The following ANKRD7 variants were observed in gnomAD, a reference collection of about 807,000 sequenced individuals.
ANKRD7 encodes the protein ankyrin repeat domain 7, also known as ankyrin repeat domain-containing protein 7.
ANKRD7 carries 30 observed loss-of-function variants against 30.8 expected under a neutral mutation model. That is an observed-to-expected ratio of 0.97 (90% CI 0.73 to 1.32). ANKRD7 has a LOEUF of 1.32. Ranked by LOEUF, ANKRD7 falls within the 40% of genes most tolerant of loss-of-function variation. ANKRD7 has a pLI of 0.00. For synonymous variants in ANKRD7, 97 were observed against 106.6 expected (o/e 0.91, Z 0.55); for missense variants, 264 against 295.7 (o/e 0.89, Z 0.79).
At chr7:118,234,660 G>T in intron 2 of ANKRD7, 41 bp from the exon 3 acceptor site, 1 of 1,571,092 alleles carries the variant, frequency 6.4e-7, no homozygotes, top group Non-Finnish European at 8.6e-7. Flanking sequence ...CATATCCCAA[G>T]TAGTAAATTG....
intron 6 of ANKRD7, among the ~76,000 whole-genome samples, chr7:118,241,862 C>T (rs896937294): frequency 6.6e-6 from 1 of 152,052 alleles, no homozygotes; most frequent in Non-Finnish European, 1.5e-5. Flanking sequence ...TTAATGTATA[C>T]TCTTATTTCC....
At chr7:118,229,864 G>A (rs1425012595) in intron 1 of ANKRD7, among the ~76,000 whole-genome samples, 1 of 152,006 alleles carries the variant, frequency 6.6e-6, no homozygotes, top group African/African-American at 2.4e-5. Flanking sequence ...AGGTGTACAA[G>A]GATGGTTCAA....
chr7:118,234,420 T>C lies in ANKRD7; in HGVS notation c.180-11T>C. The C allele has an allele frequency of 6.5e-7, 1 of 1,548,462 alleles. No homozygotes were observed. Among genetic ancestry groups the C allele is most frequent in the Non-Finnish European group, 8.7e-7 (1 of 1,145,202 alleles). ...TTATCTCTAACTTTGTGTTTTGTTT[T>C]ATTGACATAGAACACCTTTGCACCT... On this transcript the variant is annotated splice_polypyrimidine_tract_variant and intron_variant, in intron 1 of 6. Coordinates refer to ENST00000265224, the MANE Select transcript of ANKRD7 (RefSeq NM_019644.4).
chr7:118,237,523 A>G (rs1434365496), intron 5 of ANKRD7, among the ~76,000 whole-genome samples: 2 of 152,148 alleles, frequency 1.3e-5, no homozygotes, highest in Admixed American at 1.3e-4. Flanking sequence ...AGCTTAATGA[A>G]GTTAAATAAC....
intron 5 of ANKRD7, among the ~76,000 whole-genome samples, chr7:118,238,149 C>T (rs1294349350): frequency 1.3e-5 from 2 of 152,258 alleles, no homozygotes; most frequent in Non-Finnish European, 2.9e-5. Flanking sequence ...TACAATCTTC[C>T]TTTATCTCCC....
At chr7:118,240,033 G>C in intron 6 of ANKRD7, 35 bp downstream of exon 6, 1 of 1,255,700 alleles carries the variant, frequency 8.0e-7, no homozygotes, top group East Asian at 2.8e-5. Context: ...TTTTTTTCTT[G>C]TTGCTTTTTA....
At chr7:118,236,646 G>A in intron 4 of ANKRD7, 144 bp from the exon 5 acceptor site, 1 of 834,312 alleles carries the variant, frequency 1.2e-6, no homozygotes, top group Non-Finnish European at 1.9e-6. Flanking sequence ...TTTTTGAGCA[G>A]ATCTGCTGTA....
intron 5 of ANKRD7, among the ~76,000 whole-genome samples, 171 bp downstream of exon 5, chr7:118,237,097 C>A (rs1432602210): frequency 6.6e-6 from 1 of 152,086 alleles, no homozygotes; most frequent in East Asian, 1.9e-4. Flanking sequence ...AATATAAGGG[C>A]TACAGATGGG....
chr7:118,236,937 C>G lies in ANKRD7; in HGVS notation c.712+11C>G. The G allele has an allele frequency of 6.2e-7, 1 of 1,612,600 alleles. No individual in the cohort carries two copies. The highest frequency in any genetic ancestry group is 2.2e-5 in the East Asian group (1 of 44,850). ...CCATGGTTTTACTGCGTAAGTGATACTGCATGTCTTTTAACAACTGTATGG... is the reference window on the plus strand; with the variant it reads ...CCATGGTTTTACTGCGTAAGTGATAGTGCATGTCTTTTAACAACTGTATGG... On this transcript the variant is annotated intron_variant, in intron 5 of 6. Coordinates refer to ENST00000265224, the MANE Select transcript of ANKRD7 (RefSeq NM_019644.4).
Position 118,234,894 on chromosome 7 carries a change from A to T in ANKRD7, c.468+20A>T. On this transcript the variant is annotated intron_variant, in intron 3 of 6. Coordinates refer to ENST00000265224, the MANE Select transcript of ANKRD7 (RefSeq NM_019644.4). ...AATAAGGTAGTTTTCTATTAAAGAAAAAAATCCTGTATTTTAGAAAGCAAC... is the reference window on the plus strand; with the variant it reads ...AATAAGGTAGTTTTCTATTAAAGAATAAAATCCTGTATTTTAGAAAGCAAC... 3 of 1,570,666 alleles carry T rather than the reference A, an allele frequency of 1.9e-6. No homozygotes were observed. In the South Asian group the frequency reaches 3.6e-5, roughly 19 times the overall value.
intron 5 of ANKRD7, among the ~76,000 whole-genome samples, chr7:118,238,860 C>T (rs1451475115): frequency 4.6e-5 from 7 of 152,252 alleles, no homozygotes; most frequent in Admixed American, 4.6e-4. Context: ...GGCTGAATTT[C>T]CCCCTAAAAT....
At position 118,224,940 on chromosome 7, in the gene ANKRD7, A is replaced by T. The variant is rs1809514885; in HGVS notation, c.110A>T (p.Asp37Val). The change falls in exon 1 of 7, where the codon GAT becomes GTT. Residue 37 changes from aspartate (D) to valine (V), a missense_variant. Coordinates refer to ENST00000265224, the MANE Select transcript of ANKRD7 (RefSeq NM_019644.4). ...CTTCACAGAGCTGCTTCAGTCGGGG[A>T]TTTGAAGAAGCTGAAGGAATACCTT... ...KKLHRAASVG[D>V]LKKLKEYLQI... The T allele has an allele frequency of 1.9e-6, 3 of 1,614,176 alleles. No individual in the cohort carries two copies. The highest frequency in any genetic ancestry group is 2.5e-6 in the Non-Finnish European group (3 of 1,180,026).
intron 1 of ANKRD7, among the ~76,000 whole-genome samples, chr7:118,230,113 C>T (rs1179216671): frequency 1.3e-5 from 2 of 152,052 alleles, no homozygotes; most frequent in African/African-American, 4.8e-5. Flanking sequence ...CTCCTAAGAA[C>T]TGAAATAAGA....
At chr7:118,233,191 C>T (rs1414239845) in intron 1 of ANKRD7, among the ~76,000 whole-genome samples, 1 of 152,026 alleles carries the variant, frequency 6.6e-6, no homozygotes, top group Non-Finnish European at 1.5e-5. Flanking sequence ...CATTTTTGTC[C>T]TACAACAAAG....
chr7:118,224,754 G>A lies in ANKRD7; in HGVS notation c.-77G>A, dbSNP rs1809508899. On this transcript the variant is annotated 5_prime_UTR_variant, in exon 1 of 7. Transcript: ENST00000265224. ...GGAGAGGGCTGCCGGCCGGATGCCA[G>A]GGCAGAGGGGCAGGGCGGACGGCTA... 1.3e-6 allele frequency: 2 copies of A among 1,532,370 alleles called. No homozygotes were observed. The highest frequency in any genetic ancestry group is 2.6e-5 in the South Asian group (2 of 76,618). 94.9% of individuals were successfully genotyped at this position (1,532,370 alleles called of 1,614,324 possible). A position where few individuals can be genotyped will look rare whatever the true frequency, so the allele number is the denominator to read the frequency against.
At chr7:118,236,652 C>A in intron 4 of ANKRD7, 138 bp from the exon 5 acceptor site, 1 of 880,432 alleles carries the variant, frequency 1.1e-6, no homozygotes, top group Non-Finnish European at 1.7e-6. Context: ...AGCAGATCTG[C>A]TGTATTTTTT....
chr7:118,241,998 T>G (rs1400004751), intron 6 of ANKRD7, among the ~76,000 whole-genome samples: 1 of 152,232 alleles, frequency 6.6e-6, no homozygotes, highest in African/African-American at 2.4e-5. Context: ...AAATCATTGC[T>G]ACATTTTGAG....
chr7:118,224,982 A>T lies in ANKRD7; in HGVS notation c.152A>T (p.Asp51Val). The change falls in exon 1 of 7, where the codon GAT becomes GTT. Residue 51 changes from aspartate (D) to valine (V), a missense_variant. Coordinates refer to ENST00000265224, the MANE Select transcript of ANKRD7 (RefSeq NM_019644.4). ...LKEYLQIKKY[D>V]VNMQDKKYRT... ...GAATACCTTCAGATCAAGAAATATG[A>T]TGTAAATATGCAGGACAAAAAATAC... is the stretch of plus-strand genomic sequence containing the variant. The T allele has an allele frequency of 6.2e-7, 1 of 1,614,028 alleles. No homozygotes were observed. The highest frequency in any genetic ancestry group is 8.5e-7 in the Non-Finnish European group (1 of 1,179,948).
chr7:118,236,019 C>A (rs765553195), intron 3 of ANKRD7, 22 bp from the exon 4 acceptor site: 5 of 1,300,510 alleles, frequency 3.8e-6, no homozygotes, highest in Non-Finnish European at 5.4e-6. Context: ...ATATTTTAAT[C>A]ATTTTTAAAT....
Sources: allele counts gnomAD v4.1 joint callset (sites outside exome capture counted in the v4.1 genomes callset), GRCh38; gene constraint gnomAD v4.1.1; transcripts MANE v1.5; gene names NCBI Gene and HGNC (gene_info 2026-07-23, HGNC 2026-07-21).